ZNF540: variants seen among roughly 807,000 people sequenced by gnomAD.
ZNF540 encodes zinc finger protein 540, also known as CTD-3064H18.6.
In ZNF540, 3 loss-of-function variants were observed where a neutral mutation model predicts 11.8. The observed-to-expected ratio is 0.25, with a 90% CI of 0.12 to 0.65. The LOEUF (loss-of-function observed/expected upper bound fraction) is 0.65. ZNF540 is among the 30% of genes least tolerant of loss of function. ZNF540 has a pLI of 0.83. For missense variants in ZNF540, 709 were observed against 793.1 expected (o/e 0.89, Z 1.27); for synonymous variants, 247 against 259.0 (o/e 0.95, Z 0.45).
At chr19:37,568,576 A>C (rs957092648) in intron 1 of ZNF540, among the ~76,000 whole-genome samples, 3 of 152,176 alleles carry the variant, frequency 2.0e-5, no homozygotes, top group Non-Finnish European at 2.9e-5. Context: ...TTAATCTAAT[A>C]TGATTCTGGG....
intron 4 of ZNF540, among the ~76,000 whole-genome samples, chr19:37,602,326 T>C (rs2044045533): frequency 6.6e-6 from 1 of 152,164 alleles, no homozygotes; most frequent in South Asian, 2.1e-4. Context: ...GATCGAGATG[T>C]TGAACAGAGA....
chr19:37,605,006 C>T (rs573945197), intron 4 of ZNF540, among the ~76,000 whole-genome samples: 2 of 152,298 alleles, frequency 1.3e-5, no homozygotes, highest in African/African-American at 4.8e-5. Flanking sequence ...TTCATATCTG[C>T]TTATTAGTTA....
intron 1 of ZNF540, chr19:37,566,361 TGATA>T: frequency 3.4e-6 from 5 of 1,485,486 alleles, no homozygotes; most frequent in Non-Finnish European, 3.6e-6. Context: ...ATGGTAAAAA[TGATA>T]GATGAAAATA....
At chr19:37,582,477 T>G (rs1249841181) in intron 1 of ZNF540, among the ~76,000 whole-genome samples, 1 of 152,212 alleles carries the variant, frequency 6.6e-6, no homozygotes, top group Non-Finnish European at 1.5e-5. Context: ...CACCCCATGG[T>G]TCAGTCCTTG....
chr19:37,591,500 A>T (rs1483544192), upstream of ZNF540, among the ~76,000 whole-genome samples: 1 of 152,264 alleles, frequency 6.6e-6, no homozygotes, highest in African/African-American at 2.4e-5. Flanking sequence ...CTGAAAATAT[A>T]TAAAGGGAAA....
intron 1 of ZNF540, chr19:37,586,614 C>T: frequency 6.2e-7 from 1 of 1,608,366 alleles, no homozygotes; most frequent in Non-Finnish European, 8.5e-7. Context: ...ATCTGGTGTT[C>T]ACATTACACA....
chr19:37,560,476 A>G (rs1182500127), intron 1 of ZNF540: 2 of 148,596 alleles, frequency 1.3e-5, no homozygotes, highest in Admixed American at 6.7e-5. Context: ...GGTTCAAGCA[A>G]TTCTCCTGCC....
chr19:37,590,279 T>A (rs2043829000), upstream of ZNF540, among the ~76,000 whole-genome samples: 1 of 151,876 alleles, frequency 6.6e-6, no homozygotes, highest in African/African-American at 2.4e-5. Flanking sequence ...TAGCTGGGCG[T>A]GGTGGTGGGC....
intron 1 of ZNF540, among the ~76,000 whole-genome samples, chr19:37,553,286 C>G (rs1392146136): frequency 6.6e-6 from 1 of 151,384 alleles, no homozygotes; most frequent in Non-Finnish European, 1.5e-5. Context: ...GTGCCCACCA[C>G]CACGCCTGCC....
intron 1 of ZNF540, chr19:37,566,143 G>A (rs971923394): frequency 6.2e-7 from 1 of 1,613,852 alleles, no homozygotes; most frequent in Admixed American, 1.7e-5. Context: ...GACCCTCTAA[G>A]TTGCCTTTGC....
At chr19:37,593,687 A>T (rs1356967028), upstream of ZNF540, among the ~76,000 whole-genome samples, 1 of 152,200 alleles carries the variant, frequency 6.6e-6, no homozygotes, top group Non-Finnish European at 1.5e-5. Context: ...AGGGCGACAC[A>T]GCGAGAATCC....
upstream of ZNF540, among the ~76,000 whole-genome samples, chr19:37,591,614 G>A (rs1028264961): frequency 2.2e-4 from 33 of 152,232 alleles, no homozygotes; most frequent in African/African-American, 7.5e-4. Flanking sequence ...GCGCAATCTC[G>A]GCTCACCACA....
chr19:37,570,440 T>C (rs534796507), intron 1 of ZNF540, among the ~76,000 whole-genome samples: 1 of 152,302 alleles, frequency 6.6e-6, no homozygotes, highest in African/African-American at 2.4e-5. Context: ...AAGATAGACA[T>C]AATTATAGCA....
At chr19:37,584,171 G>A in intron 1 of ZNF540, 1 of 1,600,008 alleles carries the variant, frequency 6.2e-7, no homozygotes, top group Non-Finnish European at 8.5e-7. Flanking sequence ...AAATGGAGGA[G>A]GTAATTGAAG....
intron 1 of ZNF540, chr19:37,565,206 G>C: frequency 6.2e-7 from 1 of 1,613,236 alleles, no homozygotes; most frequent in Non-Finnish European, 8.5e-7. Flanking sequence ...CTTTGATGTT[G>C]AATAAGATTA....
intron 4 of ZNF540, among the ~76,000 whole-genome samples, chr19:37,603,176 T>A (rs1014739627): frequency 2.6e-5 from 4 of 151,946 alleles, no homozygotes; most frequent in Non-Finnish European, 5.9e-5. Flanking sequence ...CCTGGCTAAT[T>A]TTTGTATTTT....
At chr19:37,553,001 T>G (rs1209958319) in intron 1 of ZNF540, among the ~76,000 whole-genome samples, 2 of 88,496 alleles carry the variant, frequency 2.3e-5, no homozygotes, top group Non-Finnish European at 4.5e-5. Context: ...GTATAGTGTT[T>G]GCATGGTGTT....
intron 1 of ZNF540, among the ~76,000 whole-genome samples, chr19:37,567,253 C>G (rs1600463426): frequency 6.6e-6 from 1 of 152,192 alleles, no homozygotes; most frequent in East Asian, 1.9e-4. Context: ...GTTTCATATA[C>G]TGCTTTATCT....
rs1403354250 is a variant in ZNF540, at chr19:37,614,037, C to T, written c.*774C>T. The T allele has an allele frequency of 2.3e-5, 9 of 395,024 alleles. No homozygotes were observed. The highest frequency in any genetic ancestry group is 4.4e-5 in the Admixed American group (1 of 22,660). 24.5% of individuals were successfully genotyped at this position (395,024 alleles called of 1,614,324 possible). A position where few individuals can be genotyped will look rare whatever the true frequency, so the allele number is the denominator to read the frequency against. ...TCACCAGAACCCAAGCATGCTGGCA[C>T]CTTGACCTTGGACTTTCAGCCTCCA... is the stretch of plus-strand genomic sequence containing the variant. On this transcript the variant is annotated 3_prime_UTR_variant, in exon 5 of 5. Coordinates refer to ENST00000316433, the MANE Select transcript of ZNF540 (RefSeq NM_001172225.3).
Sources: allele counts gnomAD v4.1 joint callset (sites outside exome capture counted in the v4.1 genomes callset), GRCh38; gene constraint gnomAD v4.1.1; transcripts MANE v1.5; gene names NCBI Gene and HGNC (gene_info 2026-07-23, HGNC 2026-07-21).